BAZ2A: variants seen among roughly 807,000 people sequenced by gnomAD.
BAZ2A encodes bromodomain adjacent to zinc finger domain protein 2A.
A neutral mutation model predicts 199.9 loss-of-function variants in BAZ2A; 34 were observed. That is an observed-to-expected ratio of 0.17 (90% CI 0.13 to 0.23). The LOEUF is 0.23. Among genes scored for constraint, BAZ2A ranks in the 10% least tolerant of loss-of-function variants. The pLI is 1.00. For synonymous variants in BAZ2A, 857 were observed against 883.9 expected (o/e 0.97, Z 0.54); for missense variants, 2,002 against 2,391.1 (o/e 0.84, Z 3.39).
chr12:56,599,562 A>C, intron 26 of BAZ2A, 140 bp downstream of exon 26: 2 of 1,335,788 alleles, frequency 1.5e-6, no homozygotes, highest in Non-Finnish European at 2.0e-6. Flanking sequence ...AAGCTATAGA[A>C]TTTAAGTGAC....
intron 1 of BAZ2A, among the ~76,000 whole-genome samples, chr12:56,628,325 C>T (rs1286224691): frequency 6.6e-6 from 1 of 151,348 alleles, no homozygotes; most frequent in East Asian, 1.9e-4. Flanking sequence ...CAGTCCATCA[C>T]TATATGTTAC....
rs1270288826 is a variant in BAZ2A, at chr12:56,596,693, G to C, written c.*1925C>G. 5 of 152,526 alleles carry C rather than the reference G, an allele frequency of 3.3e-5. No individual in the cohort carries two copies. The highest frequency in any genetic ancestry group is 6.5e-5 in the Admixed American group (1 of 15,284). The allele number at this position is 152,526 out of a possible 1,614,324, so 9.4% of individuals were successfully genotyped here. ...CTAACACAAAGTTTGTTACAGCGCA[G>C]TTATTTAGATAAAATATAAATATTT... On this transcript the variant is annotated 3_prime_UTR_variant, in exon 29 of 29. Transcript: ENST00000549884.
chr12:56,599,401 C>T, intron 26 of BAZ2A, 43 bp from the exon 27 acceptor site: 1 of 1,570,286 alleles, frequency 6.4e-7, no homozygotes, highest in Non-Finnish European at 8.7e-7. Context: ...GCTGGAGATG[C>T]ACTGCTTGCC....
intron 1 of BAZ2A, among the ~76,000 whole-genome samples, chr12:56,628,177 CAAAAAAAA>C (rs57372528): frequency 1.1e-4 from 3 of 28,382 alleles, no homozygotes. Context: ...AACTCCGTCT[CAAAAAAAA>C]AAAAAAAAAA....
chr12:56,602,701 A>G lies in BAZ2A; in HGVS notation c.3424+12T>C. ...TAGGACTCAGAATCCACACTCCCAC[A>G]GGCACACCTACCTAAGTTCCCCTCT... On this transcript the variant is annotated intron_variant, in intron 19 of 28. Coordinates refer to ENST00000549884, the MANE Select transcript of BAZ2A (RefSeq NM_001300905.2). The G allele has an allele frequency of 6.2e-7, 1 of 1,611,458 alleles. No individual in the cohort carries two copies. Among genetic ancestry groups the G allele is most frequent in the Non-Finnish European group, 8.5e-7 (1 of 1,177,728 alleles).
chr12:56,616,933 C>T (rs1022632547), intron 2 of BAZ2A, among the ~76,000 whole-genome samples: 37 of 152,278 alleles, frequency 2.4e-4, no homozygotes, highest in African/African-American at 8.9e-4. Context: ...TAAACTTTCC[C>T]TTGTCCCTAC....
chr12:56,630,369 A>C, upstream of BAZ2A: 1 of 738,506 alleles, frequency 1.4e-6, no homozygotes. Context: ...GCCGGGAGAG[A>C]GTCTCCCCAC....
At chr12:56,625,777 G>A (rs1358031474) in intron 1 of BAZ2A, among the ~76,000 whole-genome samples, 3 of 150,380 alleles carry the variant, frequency 2.0e-5, no homozygotes, top group Admixed American at 6.6e-5. Flanking sequence ...ACGGGAGGCT[G>A]AGGCAGGAGA....
At chr12:56,634,663 T>C (rs1038288846), upstream of BAZ2A, among the ~76,000 whole-genome samples, 1 of 148,126 alleles carries the variant, frequency 6.8e-6, no homozygotes, top group Admixed American at 6.7e-5. Flanking sequence ...CCGCGGGAGA[T>C]TTTTCTGGCG....
rs1886254845 is a variant in BAZ2A at position 56,599,861 on chromosome 12, T to C, written c.5026-13A>G. The C allele has an allele frequency of 6.2e-7, 1 of 1,613,934 alleles. No homozygotes were observed. Among genetic ancestry groups the C allele is most frequent in the Non-Finnish European group, 8.5e-7 (1 of 1,179,848 alleles). ...AGACTAGACATGTCTGGACCAAGGT[T>C]GTGAGGAGGCAGAATGAGCTCTCCA... On this transcript the variant is annotated splice_polypyrimidine_tract_variant and intron_variant, in intron 25 of 28. Transcript: ENST00000549884.
chr12:56,609,923 T>C lies in BAZ2A; in HGVS notation c.1905A>G (p.Ser635=). ...GAATCCTCGACGGGATCTCCTCTGC[T>C]GAGAGCTGCACCCACTGCAAGCCCT... ...TPEGLQWVQL[S]AEEIPSRIQA... The change falls in exon 10 of 29, where the codon TCA becomes TCG. Residue 635 remains serine (S), a synonymous_variant. Coordinates refer to ENST00000549884, the MANE Select transcript of BAZ2A (RefSeq NM_001300905.2). The C allele has an allele frequency of 6.2e-7, 1 of 1,612,460 alleles. No homozygotes were observed. Among genetic ancestry groups the C allele is most frequent in the Non-Finnish European group, 8.5e-7 (1 of 1,179,718 alleles).
In BAZ2A at chr12:56,601,006, G is replaced by A. The variant is rs766736157; in HGVS notation, c.4387C>T (p.Leu1463Phe). ...LHPRGIREKALHKHLNKHRDF... is the reference protein window; with the variant it reads ...LHPRGIREKAFHKHLNKHRDF... ...CTGTGCTTGTTAAGGTGTTTGTGAA[G>A]TGCCTTCTCCCGGATACCTCGGGGG... The change falls in exon 22 of 29, where the codon CTT becomes TTT. Residue 1463 changes from leucine (L) to phenylalanine (F), a missense_variant. By Grantham distance (22) the Leu-to-Phe change is conservative. Transcript: ENST00000549884. 6 of 1,611,758 alleles carry A rather than the reference G, an allele frequency of 3.7e-6. No homozygotes were observed. In the Admixed American group the frequency reaches 1.0e-4, roughly 27 times the overall value.
At chr12:56,600,646 C>T (rs746111882) in intron 23 of BAZ2A, 35 bp downstream of exon 23, 52 of 1,602,516 alleles carry the variant, frequency 3.2e-5, no homozygotes, top group Non-Finnish European at 4.2e-5. Context: ...AATGCTTTTC[C>T]CCAACCTTCC....
rs770699137 is a variant in BAZ2A at position 56,605,284 on chromosome 12, C to A, written c.2537G>T (p.Ser846Ile). 5.6e-6 allele frequency: 9 copies of A among 1,613,726 alleles called. No homozygotes were observed. The highest frequency in any genetic ancestry group is 1.1e-5 in the South Asian group (1 of 91,038). The change falls in exon 14 of 29, where the codon AGT (serine) becomes ATT (isoleucine). Residue 846 changes from serine (S) to isoleucine (I), a missense_variant. Physicochemically the swap from Ser to Ile is moderately radical, Grantham distance 142. This residue lies in a region of BAZ2A where 1,081 missense variants were observed against 1,274.7 expected (regional missense o/e 0.85). Transcript: ENST00000549884. ...GGTCAAGCAGTCTGAGAAGGCTCCA[C>A]TGGGCAATGTCAGACCAGGGACTCG... ...FSRVPGLTLP[S>I]GAFSDCLTIV...
intron 19 of BAZ2A, 59 bp from the exon 20 acceptor site, chr12:56,602,251 G>T (rs1886564628): frequency 1.4e-6 from 2 of 1,400,070 alleles, no homozygotes; most frequent in African/African-American, 1.5e-5. Context: ...AAGTAAGAGG[G>T]TATATAAACT....
chr12:56,628,419 T>C (rs1482083403), intron 1 of BAZ2A, among the ~76,000 whole-genome samples: 1 of 152,030 alleles, frequency 6.6e-6, no homozygotes, highest in African/African-American at 2.4e-5. Flanking sequence ...AGGAAAAGCT[T>C]ACCAATCTCC....
At chr12:56,632,890 CGA>C (rs1951353289), upstream of BAZ2A, among the ~76,000 whole-genome samples, 1 of 152,108 alleles carries the variant, frequency 6.6e-6, no homozygotes, top group Non-Finnish European at 1.5e-5. Flanking sequence ...CCCATCCAGA[CGA>C]GAGAGGGCAG....
upstream of BAZ2A, among the ~76,000 whole-genome samples, chr12:56,630,522 T>G (rs1951280117): frequency 6.6e-6 from 1 of 152,254 alleles, no homozygotes; most frequent in African/African-American, 2.4e-5. Flanking sequence ...ATGGAGGCAG[T>G]GGTCCTGCTT....
chr12:56,629,337 C>T (rs1951214281), intron 1 of BAZ2A, among the ~76,000 whole-genome samples: 1 of 152,224 alleles, frequency 6.6e-6, no homozygotes, highest in Non-Finnish European at 1.5e-5. Flanking sequence ...CTCCTGAAAA[C>T]TGGGAACACC....
Sources: allele counts gnomAD v4.1 joint callset (sites outside exome capture counted in the v4.1 genomes callset), GRCh38; gene constraint gnomAD v4.1.1; regional missense constraint gnomAD v4.1.1; transcripts MANE v1.5; gene names NCBI Gene and HGNC (gene_info 2026-07-23, HGNC 2026-07-21).